Variants in LY6S observed in about 807,000 individuals in gnomAD.
LY6S encodes the protein lymphocyte antigen 6 family member S, also known as lymphocyte antigen 6S.
the LY6S span, among the ~76,000 whole-genome samples, chr8:143,069,020 A>G: frequency 6.6e-6 from 1 of 152,174 alleles, no homozygotes; most frequent in African/African-American, 2.4e-5. Flanking sequence ...CTCTGAGTCA[A>G]TAGGCAAAGC....
At chr8:143,051,511 A>G in the LY6S span, among the ~76,000 whole-genome samples, 7 of 151,982 alleles carry the variant, frequency 4.6e-5, no homozygotes, top group Admixed American at 3.9e-4. Context: ...ATTGCACTCC[A>G]GCCTGGGTGA....
chr8:143,043,666 G>A, the LY6S span, among the ~76,000 whole-genome samples: 1 of 151,764 alleles, frequency 6.6e-6, no homozygotes, highest in Non-Finnish European at 1.5e-5. Context: ...GCTCCAGGCT[G>A]GCTTTTTTTT....
the LY6S span, among the ~76,000 whole-genome samples, chr8:143,062,921 C>T: frequency 6.6e-6 from 1 of 152,120 alleles, no homozygotes; most frequent in Admixed American, 6.6e-5. Context: ...AGAACAAGGG[C>T]TTATGAATCA....
the LY6S span, among the ~76,000 whole-genome samples, chr8:143,050,419 G>A: frequency 6.6e-6 from 1 of 151,968 alleles, no homozygotes; most frequent in Non-Finnish European, 1.5e-5. Flanking sequence ...GACCTAAAGT[G>A]ACCCACCCGT....
the LY6S span, among the ~76,000 whole-genome samples, chr8:143,075,421 A>G: frequency 2.0e-5 from 3 of 152,190 alleles, no homozygotes; most frequent in Non-Finnish European, 4.4e-5. The surrounding 1 kb of genome is among the most constrained non-coding windows in gnomAD (Gnocchi z 4.1). Flanking sequence ...TTCAAAAATA[A>G]GGCCAGGCAC....
chr8:143,073,446 T>G, the LY6S span, among the ~76,000 whole-genome samples: 1 of 142,170 alleles, frequency 7.0e-6, no homozygotes, highest in Admixed American at 6.9e-5. Context: ...GGTTCCTGTT[T>G]GAGGAGACAG....
At chr8:143,046,642 C>T in the LY6S span, among the ~76,000 whole-genome samples, 2 of 151,174 alleles carry the variant, frequency 1.3e-5, no homozygotes, top group African/African-American at 2.4e-5. Context: ...TCTAATCTCA[C>T]AAGCTAACTT....
chr8:143,041,914 C>T, the LY6S span, among the ~76,000 whole-genome samples: 128 of 53,092 alleles, frequency 2.4e-3, no homozygotes, highest in Middle Eastern at 0.031. Flanking sequence ...CAGGCTGAGA[C>T]GGCCGTCCAC....
the LY6S span, among the ~76,000 whole-genome samples, chr8:143,046,688 G>T: frequency 1.3e-5 from 2 of 152,060 alleles, no homozygotes; most frequent in African/African-American, 4.8e-5. Context: ...AGCTAACTAT[G>T]GGAGGAATTT....
chr8:143,043,486 T>C, the LY6S span, among the ~76,000 whole-genome samples: 1 of 152,064 alleles, frequency 6.6e-6, no homozygotes, highest in Non-Finnish European at 1.5e-5. Flanking sequence ...CCCTTTCACT[T>C]AGGGGACGCT....
At chr8:143,043,732 A>G in the LY6S span, among the ~76,000 whole-genome samples, 1,546 of 151,870 alleles carry the variant, frequency 0.01, 20 homozygotes, top group African/African-American at 0.035. Flanking sequence ...CTGGAGTGCA[A>G]TGGGGCGATC....
the LY6S span, chr8:143,065,787 C>CTTTCTT: frequency 1.2e-5 from 1 of 81,212 alleles, no homozygotes; most frequent in East Asian, 5.1e-4. Flanking sequence ...CTTTCTTTTT[C>CTTTCTT]TTTCTTTCTT....
chr8:143,051,186 G>A, the LY6S span, among the ~76,000 whole-genome samples: 17 of 152,176 alleles, frequency 1.1e-4, no homozygotes, highest in Non-Finnish European at 1.6e-4. Context: ...AGGGAACTCC[G>A]GGAGCAGTGG....
the LY6S span, among the ~76,000 whole-genome samples, chr8:143,061,384 G>A: frequency 5.3e-5 from 8 of 152,138 alleles, no homozygotes; most frequent in Non-Finnish European, 7.3e-5. Context: ...AACACAACAC[G>A]ACAATATTTT....
the LY6S span, chr8:143,044,638 T>TC: frequency 7.5e-7 from 1 of 1,335,232 alleles, no homozygotes; most frequent in East Asian, 4.8e-5. Flanking sequence ...GAAGTGCCCC[T>TC]CCCTCCCCAG....
chr8:143,070,455 TATATATATAATATATATATAA>T, the LY6S span, among the ~76,000 whole-genome samples: 3 of 47,456 alleles, frequency 6.3e-5, no homozygotes, highest in African/African-American at 2.1e-4. Flanking sequence ...TGTATATATA[TATATATATAATATATATATAA>T]ATATATATAT....
At chr8:143,059,733 C>T in the LY6S span, 2 of 152,284 alleles carry the variant, frequency 1.3e-5, no homozygotes, top group African/African-American at 2.4e-5. Context: ...TCTCAAAGTA[C>T]TGGGATTACA....
the LY6S span, chr8:143,057,761 C>T: frequency 1.3e-6 from 1 of 786,024 alleles, no homozygotes; most frequent in Non-Finnish European, 2.3e-6. Context: ...CTGATCAGCT[C>T]TATCTAGGGC....
the LY6S span, chr8:143,043,147 AC>A: frequency 2.9e-6 from 4 of 1,367,626 alleles, no homozygotes; most frequent in Non-Finnish European, 3.9e-6. Flanking sequence ...AGGAAGACTG[AC>A]CCCAGGCTGA....
Sources: allele counts gnomAD v4.1 joint callset (sites outside exome capture counted in the v4.1 genomes callset), GRCh38; gene constraint gnomAD v4.1.1; non-coding constraint Gnocchi (gnomAD v3.1); transcripts MANE v1.5; gene names NCBI Gene and HGNC (gene_info 2026-07-23, HGNC 2026-07-21).